TBC1D14: variants seen among roughly 807,000 people sequenced by gnomAD.
The protein encoded by TBC1D14 is TBC1 domain family member 14, also known as TBC1 domain family, member 14.
In TBC1D14, 26 loss-of-function variants were observed where a neutral mutation model predicts 79.0. The ratio of observed to expected loss-of-function variants is 0.33; its 90% CI spans 0.24 to 0.46. TBC1D14 has a LOEUF of 0.46. Ranked by LOEUF, TBC1D14 falls within the 20% of genes least tolerant of loss-of-function variation. The pLI, the probability that TBC1D14 is intolerant of heterozygous loss-of-function variation, is 1.00. For missense variants in TBC1D14, 769 were observed against 887.6 expected, an observed-to-expected ratio of 0.87 and a Z score of 1.70; for synonymous variants, 394 against 349.9, an observed-to-expected ratio of 1.13 and a Z score of -1.40.
intron 1 of TBC1D14, among the ~76,000 whole-genome samples, chr4:6,915,604 C>G (rs1039104668): frequency 1.3e-5 from 2 of 152,120 alleles, no homozygotes; most frequent in African/African-American, 4.8e-5. Flanking sequence ...GGCATACTAC[C>G]TGGCTCACAG....
At position 6,948,085 on chromosome 4, in the gene TBC1D14, T is replaced by C. The variant is rs181074998; in HGVS notation, c.723-19219T>C. On this transcript the variant is annotated intron_variant, in intron 2 of 13. Coordinates refer to ENST00000409757, the MANE Select transcript of TBC1D14 (RefSeq NM_020773.3). Reference sequence around the variant, plus strand: ...AGGGGGCACATGAGCCCAGGAAGGCTGCACGGGAGAGTGGTTTGAGCTGAG... The same window carrying C: ...AGGGGGCACATGAGCCCAGGAAGGCCGCACGGGAGAGTGGTTTGAGCTGAG... 2.7e-3 allele frequency among the ~76,000 whole-genome samples: 407 copies of C among 152,318 alleles called. 3 individuals carry two copies. Among genetic ancestry groups the C allele is most frequent in the African/African-American group, 8.3e-3 (347 of 41,568 alleles).
At chr4:6,949,677 C>T (rs1160917663) in intron 2 of TBC1D14, among the ~76,000 whole-genome samples, 9 of 47,086 alleles carry the variant, frequency 1.9e-4, no homozygotes, top group South Asian at 5.9e-4. Context: ...AGCAAGACTC[C>T]GTCTCAAAAA....
At chr4:6,910,242 C>T (rs917425865) in intron 1 of TBC1D14, 2 of 152,066 alleles carry the variant, frequency 1.3e-5, no homozygotes, top group African/African-American at 4.8e-5. Flanking sequence ...CTTTACGGAA[C>T]TTGACGAAAA....
chr4:6,988,063 C>T (rs1028054035), intron 3 of TBC1D14, among the ~76,000 whole-genome samples: 2 of 152,160 alleles, frequency 1.3e-5, no homozygotes, highest in African/African-American at 4.8e-5. Flanking sequence ...AGGGGTTAGC[C>T]GGGGCTGCCT....
intron 3 of TBC1D14, among the ~76,000 whole-genome samples, chr4:6,975,979 G>A (rs1166694519): frequency 6.6e-6 from 1 of 152,212 alleles, no homozygotes; most frequent in Non-Finnish European, 1.5e-5. Context: ...TGTAATCCCA[G>A]CTACTTGGGA....
intron 13 of TBC1D14, among the ~76,000 whole-genome samples, chr4:7,027,556 C>T (rs1722535578): frequency 6.8e-6 from 1 of 146,822 alleles, no homozygotes; most frequent in Non-Finnish European, 1.5e-5. Context: ...CACCACACAC[C>T]ACAATCACCC....
At chr4:6,920,597 C>G (rs980166631) in intron 1 of TBC1D14, among the ~76,000 whole-genome samples, 8 of 150,782 alleles carry the variant, frequency 5.3e-5, no homozygotes, top group South Asian at 2.1e-4. Flanking sequence ...TTCAGCTCCT[C>G]TCTGTTTGAT....
At position 7,031,557 on chromosome 4, in the gene TBC1D14, T is replaced by C. The variant is rs1723047742; in HGVS notation, c.*1165T>C. On this transcript the variant is annotated 3_prime_UTR_variant, in exon 14 of 14. Coordinates refer to ENST00000409757, the MANE Select transcript of TBC1D14 (RefSeq NM_020773.3). ...TTTGTTCTGTCTTTTCCTTGACTAA[T>C]TGTAGAACTTTGTGTGAGGACTTTG... The C allele has an allele frequency of 6.6e-6, 1 of 152,244 alleles. No homozygotes were observed. The highest frequency in any genetic ancestry group is 1.5e-5 in the Non-Finnish European group (1 of 68,032). 9.4% of individuals were successfully genotyped at this position (152,244 alleles called of 1,614,324 possible).
chr4:7,004,147 T>G (rs1294133186), intron 7 of TBC1D14, among the ~76,000 whole-genome samples: 3 of 152,238 alleles, frequency 2.0e-5, no homozygotes, highest in Non-Finnish European at 4.4e-5. Flanking sequence ...GATATACCTG[T>G]GGAGGTCTGT....
chr4:6,998,944 GAAGT>G (rs1719369704), intron 5 of TBC1D14, 137 bp from the exon 6 acceptor site: 1 of 694,822 alleles, frequency 1.4e-6, no homozygotes, highest in South Asian at 1.8e-5. Context: ...CGTCAGGTGT[GAAGT>G]GAGCGCTGGA....
At position 7,030,446 on chromosome 4, in the gene TBC1D14, C is replaced by A. The variant is rs903985454; in HGVS notation, c.*54C>A. 74 of 1,593,070 alleles carry A rather than the reference C, an allele frequency of 4.6e-5. No individual in the cohort carries two copies. The highest frequency in any genetic ancestry group is 6.2e-5 in the Non-Finnish European group (72 of 1,162,472). On this transcript the variant is annotated 3_prime_UTR_variant, in exon 14 of 14. Coordinates refer to ENST00000409757, the MANE Select transcript of TBC1D14 (RefSeq NM_020773.3). ...CAATCAGAGCCCCATGCCGCGGCCC[C>A]TCTGTTGTTTCAGACTGACACCCGG...
intron 5 of TBC1D14, among the ~76,000 whole-genome samples, chr4:6,998,143 G>C (rs1248964696): frequency 1.3e-5 from 2 of 152,090 alleles, no homozygotes; most frequent in African/African-American, 4.8e-5. Context: ...AGCCAAGGCG[G>C]GTGGTCAGGA....
intron 3 of TBC1D14, 56 bp downstream of exon 3, chr4:6,967,480 C>A: frequency 6.4e-7 from 1 of 1,573,740 alleles, no homozygotes; most frequent in South Asian, 1.1e-5. Context: ...AGCATATATT[C>A]ATGAACCTTG....
intron 13 of TBC1D14, among the ~76,000 whole-genome samples, chr4:7,026,206 T>A (rs1012893156): frequency 2.1e-4 from 32 of 151,514 alleles, no homozygotes; most frequent in African/African-American, 7.8e-4. Context: ...TAGAACAGCA[T>A]AAAATAATGC....
rs1213432812 is a variant in TBC1D14, at chr4:6,996,914, T to G, written c.1045+507T>G. ...TCAACGACACGTATATTTCTTTCCC[T>G]CTCTGGGTTGTTTTTTAAAGTTCCA... is the stretch of plus-strand genomic sequence containing the variant. On this transcript the variant is annotated intron_variant, in intron 5 of 13. Coordinates refer to ENST00000409757, the MANE Select transcript of TBC1D14 (RefSeq NM_020773.3). The G allele has an allele frequency of 2.0e-5, 3 of 152,300 alleles. No individual in the cohort carries two copies. In the East Asian group the frequency reaches 5.8e-4, roughly 29 times the overall value. The allele number at this position is 152,300 out of a possible 1,614,324, so 9.4% of individuals were successfully genotyped here.
chr4:6,979,542 G>A (rs1002134800), intron 3 of TBC1D14, among the ~76,000 whole-genome samples: 6 of 152,058 alleles, frequency 3.9e-5, no homozygotes, highest in African/African-American at 1.4e-4. Context: ...GATCGCTTGA[G>A]CCCAGGAGTT....
intron 2 of TBC1D14, among the ~76,000 whole-genome samples, chr4:6,945,284 T>C (rs1225671551): frequency 6.6e-6 from 1 of 152,026 alleles, no homozygotes; most frequent in African/African-American, 2.4e-5. Context: ...CCTGGATCAG[T>C]GAAAATACAG....
chr4:7,010,639 C>G lies in TBC1D14; in HGVS notation c.1519-14C>G. On this transcript the variant is annotated splice_polypyrimidine_tract_variant and intron_variant, in intron 10 of 13. Coordinates refer to ENST00000409757, the MANE Select transcript of TBC1D14 (RefSeq NM_020773.3). ...GCCACTGTGATTTTAACGTGCCTTT[C>G]TCTCCTCTCTCAGGTCCAGGGCATG... The G allele has an allele frequency of 1.2e-6, 2 of 1,608,334 alleles. No individual in the cohort carries two copies. The highest frequency in any genetic ancestry group is 2.2e-5 in the East Asian group (1 of 44,808).
chr4:6,966,061 A>C (rs112541319), intron 2 of TBC1D14, among the ~76,000 whole-genome samples: 1 of 151,978 alleles, frequency 6.6e-6, no homozygotes, highest in Non-Finnish European at 1.5e-5. Context: ...ATTAATTTCT[A>C]TGTTTGTTTA....
Sources: gnomAD v4.1 joint callset for allele counts (sites outside exome capture counted in the v4.1 genomes callset) on GRCh38, gnomAD v4.1.1 for gene constraint, MANE v1.5 for transcripts, NCBI Gene and HGNC (gene_info 2026-07-23, HGNC 2026-07-21) for gene names.